CHODL: variants seen among roughly 807,000 people sequenced by gnomAD.
CHODL encodes the protein transmembrane protein MT75.
In CHODL, 29 loss-of-function variants were observed where a neutral mutation model predicts 34.5. The observed-to-expected ratio is 0.84, with a 90% CI of 0.63 to 1.15. The LOEUF (loss-of-function observed/expected upper bound fraction) is 1.15, where lower values mean the gene tolerates loss of function less well. Among genes scored for constraint, CHODL ranks in the 50% most tolerant of loss-of-function variants. The pLI is 0.00. For missense variants in CHODL, 332 were observed against 332.5 expected (o/e 1.00, Z 0.01); for synonymous variants, 125 against 116.1 (o/e 1.08, Z -0.49).
intron 1 of CHODL, among the ~76,000 whole-genome samples, chr21:17,956,760 A>C (rs1326743932): frequency 7.3e-6 from 1 of 136,402 alleles, no homozygotes; most frequent in Non-Finnish European, 1.7e-5. Flanking sequence ...AATCCCATTC[A>C]TGAGAGCTGT....
At chr21:18,133,120 A>C (rs559633241) in intron 2 of CHODL, among the ~76,000 whole-genome samples, 27 of 151,156 alleles carry the variant, frequency 1.8e-4, no homozygotes, top group African/African-American at 6.5e-4. Flanking sequence ...GAAATGTTAG[A>C]AAAAGCGGTG....
At chr21:18,195,034 T>C (rs929269559) in intron 2 of CHODL, among the ~76,000 whole-genome samples, 1 of 145,216 alleles carries the variant, frequency 6.9e-6, no homozygotes, top group African/African-American at 2.6e-5. Context: ...ATACATTATT[T>C]ATTTATTTAT....
chr21:18,051,612 A>G (rs1183324445), intron 2 of CHODL, among the ~76,000 whole-genome samples: 1 of 151,896 alleles, frequency 6.6e-6, no homozygotes, highest in Non-Finnish European at 1.5e-5. Flanking sequence ...AACTTAAATG[A>G]AAGTGCCAAA....
chr21:18,105,263 G>A (rs1378983762), intron 2 of CHODL, among the ~76,000 whole-genome samples: 1 of 152,204 alleles, frequency 6.6e-6, no homozygotes, highest in South Asian at 2.1e-4. Context: ...GTGAGGCAGA[G>A]ACTGGGACAG....
intron 2 of CHODL, among the ~76,000 whole-genome samples, chr21:18,200,003 C>CT (rs1292025861): frequency 6.6e-6 from 1 of 152,148 alleles, no homozygotes; most frequent in African/African-American, 2.4e-5. Context: ...TCTGGAAAGA[C>CT]TATGTTTAGC....
At chr21:18,083,046 T>A (rs1417448009) in intron 2 of CHODL, among the ~76,000 whole-genome samples, 1 of 152,102 alleles carries the variant, frequency 6.6e-6, no homozygotes, top group South Asian at 2.1e-4. Context: ...ATATCAGAGA[T>A]CTTGACAGCA....
At chr21:18,149,639 A>G (rs1334967966) in intron 2 of CHODL, among the ~76,000 whole-genome samples, 1 of 152,192 alleles carries the variant, frequency 6.6e-6, no homozygotes, top group Non-Finnish European at 1.5e-5. Context: ...ATAATATCAA[A>G]TTAATTTCAC....
chr21:18,072,651 A>C (rs897710007), intron 2 of CHODL, among the ~76,000 whole-genome samples: 2 of 152,100 alleles, frequency 1.3e-5, no homozygotes, highest in African/African-American at 4.8e-5. Flanking sequence ...TAAGAGAAAT[A>C]ACTTGTTATT....
At chr21:18,176,298 TAC>T (rs998315308) in intron 2 of CHODL, among the ~76,000 whole-genome samples, 1 of 152,210 alleles carries the variant, frequency 6.6e-6, no homozygotes, top group African/African-American at 2.4e-5. Context: ...TTATTAGGGA[TAC>T]AGTTAAGACC....
chr21:17,940,614 G>A (rs778044872), intron 1 of CHODL, among the ~76,000 whole-genome samples: 3 of 152,194 alleles, frequency 2.0e-5, no homozygotes, highest in African/African-American at 7.2e-5. Flanking sequence ...CTGGAGGGGA[G>A]TTACAAGTAT....
At chr21:18,217,613 C>G (rs1430711285) in intron 2 of CHODL, among the ~76,000 whole-genome samples, 2 of 152,108 alleles carry the variant, frequency 1.3e-5, no homozygotes, top group African/African-American at 4.8e-5. Flanking sequence ...ACCCTGGCCC[C>G]TCTCAAATAT....
intron 1 of CHODL, among the ~76,000 whole-genome samples, chr21:17,995,199 A>G (rs2063837153): frequency 6.6e-6 from 1 of 151,990 alleles, no homozygotes; most frequent in South Asian, 2.1e-4. Context: ...GGGCTCTCAA[A>G]ATGGTGCCGT....
chr21:18,180,563 A>T (rs2824688), intron 2 of CHODL, among the ~76,000 whole-genome samples: 1 of 152,166 alleles, frequency 6.6e-6, no homozygotes, highest in South Asian at 2.1e-4. Flanking sequence ...CTTACGGTAC[A>T]TTATTACGTA....
intron 2 of CHODL, among the ~76,000 whole-genome samples, chr21:18,228,646 G>C (rs928229623): frequency 6.6e-6 from 1 of 152,018 alleles, no homozygotes; most frequent in Non-Finnish European, 1.5e-5. Context: ...AGCTAGAAGA[G>C]AACTTGTACA....
At chr21:18,188,262 AT>A (rs1324276443) in intron 2 of CHODL, among the ~76,000 whole-genome samples, 5 of 152,096 alleles carry the variant, frequency 3.3e-5, no homozygotes, top group Admixed American at 1.3e-4. Context: ...ATTCTTGAAC[AT>A]TTTTTACCCT....
At chr21:18,032,940 C>T (rs531644066) in intron 2 of CHODL, among the ~76,000 whole-genome samples, 22 of 152,090 alleles carry the variant, frequency 1.4e-4, no homozygotes, top group African/African-American at 2.2e-4. Flanking sequence ...GTATTTAAAA[C>T]GTAGCAGTGA....
chr21:18,241,033 C>T (rs572882239), upstream of CHODL, among the ~76,000 whole-genome samples: 44 of 152,282 alleles, frequency 2.9e-4, no homozygotes, highest in Middle Eastern at 0.017. Context: ...GAAGGTGGAA[C>T]TGGCTCCTGA....
intron 5 of CHODL, among the ~76,000 whole-genome samples, chr21:18,265,459 G>A (rs1295772392): frequency 6.6e-6 from 1 of 151,946 alleles, no homozygotes; most frequent in Non-Finnish European, 1.5e-5. Context: ...ACTCACAAGT[G>A]GGAGCTAAGC....
At chr21:18,117,074 C>T (rs564905808) in intron 2 of CHODL, among the ~76,000 whole-genome samples, 62 of 152,256 alleles carry the variant, frequency 4.1e-4, no homozygotes, top group South Asian at 2.1e-4. Flanking sequence ...CAGGTTATAG[C>T]GGTGTTCCAC....
Sources: gnomAD v4.1 joint callset for allele counts (sites outside exome capture counted in the v4.1 genomes callset) on GRCh38, gnomAD v4.1.1 for gene constraint, MANE v1.5 for transcripts, NCBI Gene and HGNC (gene_info 2026-07-23, HGNC 2026-07-21) for gene names.